The following VWA1 variants were observed in gnomAD, a reference collection of about 807,000 sequenced individuals.
VWA1 encodes the protein von Willebrand factor A domain containing 1.
In VWA1, 12 loss-of-function variants were observed where a neutral mutation model predicts 14.9. The ratio of observed to expected loss-of-function variants is 0.80; its 90% confidence interval spans 0.52 to 1.30. The LOEUF (loss-of-function observed/expected upper bound fraction) is 1.30, where lower values mean the gene tolerates loss of function less well. Ranked by LOEUF, VWA1 falls within the 50% of genes most tolerant of loss-of-function variation. The pLI is 0.00. For synonymous variants in VWA1, 368 were observed against 310.7 expected (o/e 1.18, Z -1.94); for missense variants, 800 against 649.1 (o/e 1.23, Z -2.53).
intron 2 of VWA1, among the ~76,000 whole-genome samples, chr1:1,438,473 G>C (rs1638591138): frequency 6.6e-6 from 1 of 152,208 alleles, no homozygotes; most frequent in African/African-American, 2.4e-5. Context: ...GGAAGATCCT[G>C]ATAGCTTTAA....
chr1:1,442,619 A>G lies in VWA1; in HGVS notation c.*2832A>G, dbSNP rs1382396634. 1 of 152,292 alleles carries G rather than the reference A, an allele frequency of 6.6e-6. No homozygotes were observed. Among genetic ancestry groups the G allele is most frequent in the Admixed American group, 6.5e-5 (1 of 15,282 alleles). The allele number at this position is 152,292 out of a possible 1,614,324, so 9.4% of individuals were successfully genotyped here. On this transcript the variant is annotated 3_prime_UTR_variant, in exon 3 of 3. Coordinates refer to ENST00000476993, the MANE Select transcript of VWA1 (RefSeq NM_022834.5). ...TGCGAGGCCCTTCGCTGGACAGCCC[A>G]TTGCTGGCCACTGGACGGAGAGGCA...
Position 1,435,754 on chromosome 1 carries a change from C to A in VWA1, c.6C>A (p.Leu2=), listed in dbSNP as rs1424457391. 3 of 1,225,088 alleles carry A rather than the reference C, an allele frequency of 2.4e-6. No individual in the cohort carries two copies. The highest frequency in any genetic ancestry group is 4.1e-5 in the South Asian group (2 of 49,288). 75.9% of individuals were successfully genotyped at this position (1,225,088 alleles called of 1,614,324 possible). M[L]PWTALGLALS... is the part of the protein sequence containing the mutation. The stretch of plus-strand genomic sequence containing the variant: ...CGCCCCGTCCCTCGCGCGCGATGCT[C>A]CCCTGGACGGCGCTCGGCCTGGCCC... Residue 2 remains leucine (L), a synonymous_variant, in exon 1 of 3, where the codon CTC becomes CTA. Transcript: ENST00000476993.
At position 1,439,957 on chromosome 1, in the gene VWA1, G is replaced by T; in HGVS notation, c.*170G>T. 2 of 823,582 alleles carry T rather than the reference G, an allele frequency of 2.4e-6. No individual in the cohort carries two copies. Among genetic ancestry groups the T allele is most frequent in the Non-Finnish European group, 3.0e-6 (2 of 669,890 alleles). 51.0% of individuals were successfully genotyped at this position (823,582 alleles called of 1,614,324 possible). On this transcript the variant is annotated 3_prime_UTR_variant, in exon 3 of 3. Transcript: ENST00000476993. ...CTGCGGCCGCAGGGCTTCCCCGCCT[G>T]GCGCCTGCCCTCCAGGGCTGGGGCC...
In VWA1 at chr1:1,439,945, G is replaced by T; in HGVS notation, c.*158G>T. 4 of 913,614 alleles carry T rather than the reference G, an allele frequency of 4.4e-6. No individual in the cohort carries two copies. Among genetic ancestry groups the T allele is most frequent in the Non-Finnish European group, 4.0e-6 (3 of 753,034 alleles). 56.6% of individuals were successfully genotyped at this position (913,614 alleles called of 1,614,324 possible). A position where few individuals can be genotyped will look rare whatever the true frequency, so the allele number is the denominator to read the frequency against. Reference sequence around the variant, plus strand: ...CCGGCCCTCTCCCTGCGGCCGCAGGGCTTCCCCGCCTGGCGCCTGCCCTCC... The same window carrying T: ...CCGGCCCTCTCCCTGCGGCCGCAGGTCTTCCCCGCCTGGCGCCTGCCCTCC... On this transcript the variant is annotated 3_prime_UTR_variant, in exon 3 of 3. Coordinates refer to ENST00000476993, the MANE Select transcript of VWA1 (RefSeq NM_022834.5).
Position 1,441,603 on chromosome 1 carries a change from C to G in VWA1, c.*1816C>G, listed in dbSNP as rs893717736. ...GGTGGCCAGGGTTGCAGGCCCGGGC[C>G]TCGGGCCCCACCTCCTCTGGAGGGG... On this transcript the variant is annotated 3_prime_UTR_variant, in exon 3 of 3. Transcript: ENST00000476993. 6.6e-6 allele frequency: 1 copy of G among 152,496 alleles called. No individual in the cohort carries two copies. The highest frequency in any genetic ancestry group is 1.5e-5 in the Non-Finnish European group (1 of 68,256). 9.4% of individuals were successfully genotyped at this position (152,496 alleles called of 1,614,324 possible). A position where few individuals can be genotyped will look rare whatever the true frequency, so the allele number is the denominator to read the frequency against.
chr1:1,439,771 C>T lies in VWA1; in HGVS notation c.1322C>T (p.Ala441Val). The change falls in exon 3 of 3, where the codon GCC (alanine) becomes GTC (valine). Residue 441 changes from alanine to valine, a missense_variant. Coordinates refer to ENST00000476993, the MANE Select transcript of VWA1 (RefSeq NM_022834.5). ...CCCCGCGCCCCGACCCCGGGGACCG[C>T]CAGCCGTGAGCCGTAAGCCGGCGTC... ...PVPRAPTPGT[A>V]SREP The T allele has an allele frequency of 9.2e-7, 1 of 1,084,290 alleles. No individual in the cohort carries two copies. Among genetic ancestry groups the T allele is most frequent in the Non-Finnish European group, 1.1e-6 (1 of 894,344 alleles). The allele number at this position is 1,084,290 out of a possible 1,614,324, so 67.2% of individuals were successfully genotyped here.
Position 1,439,368 on chromosome 1 carries a change from G to A in VWA1, c.919G>A (p.Gly307Arg), listed in dbSNP as rs1173877630. ...LRVRTRPGEA[G>R]PGASGPESGA... ...GGTGCGCACGCGGCCCGGTGAGGCA[G>A]GGCCGGGGGCTTCGGGCCCGGAGTC... Residue 307 changes from glycine to arginine, a missense_variant, in exon 3 of 3, where the codon GGG becomes AGG. Transcript: ENST00000476993. 6.6e-7 allele frequency: 1 copy of A among 1,517,278 alleles called. No homozygotes were observed. The highest frequency in any genetic ancestry group is 8.8e-7 in the Non-Finnish European group (1 of 1,139,536). 94.0% of individuals were successfully genotyped at this position (1,517,278 alleles called of 1,614,324 possible).
In VWA1 at chr1:1,442,681, G is replaced by A. The variant is rs1025286676; in HGVS notation, c.*2894G>A. 11 of 152,422 alleles carry A rather than the reference G, an allele frequency of 7.2e-5. No homozygotes were observed. In the East Asian group the frequency reaches 9.6e-4, roughly 13 times the overall value. The allele number at this position is 152,422 out of a possible 1,614,324, so 9.4% of individuals were successfully genotyped here. A position where few individuals can be genotyped will look rare whatever the true frequency, so the allele number is the denominator to read the frequency against. ...AATTCGGGCCCATGCCTCTGTGAGC[G>A]ATGACGGAGCAACAGCTCTCCAGCA... On this transcript the variant is annotated 3_prime_UTR_variant, in exon 3 of 3. Coordinates refer to ENST00000476993, the MANE Select transcript of VWA1 (RefSeq NM_022834.5).
chr1:1,437,308 G>A lies in VWA1; in HGVS notation c.455G>A (p.Gly152Asp). Reference sequence around the variant, plus strand: ...GATGGCGGCTCCAGCGACCCTGTGGGCCCCCCCATGCAGGAGCTCAAGGAC... The same window carrying A: ...GATGGCGGCTCCAGCGACCCTGTGGACCCCCCCATGCAGGAGCTCAAGGAC... ...VTDGGSSDPVGPPMQELKDLG... is the reference protein window; with the variant it reads ...VTDGGSSDPVDPPMQELKDLG... The change falls in exon 2 of 3, where the codon GGC becomes GAC. Residue 152 changes from glycine (G) to aspartate (D), a missense_variant. Gly to Asp is a moderately conservative substitution (Grantham distance 94, BLOSUM62 -1). Transcript: ENST00000476993. 6.2e-7 allele frequency: 1 copy of A among 1,611,142 alleles called. No individual in the cohort carries two copies. Among genetic ancestry groups the A allele is most frequent in the South Asian group, 1.1e-5 (1 of 90,772 alleles).
rs912918019 is a variant in VWA1, at chr1:1,439,340, G to A, written c.891G>A (p.Leu297=). Residue 297 remains leucine (L), a synonymous_variant, in exon 3 of 3, where the codon CTG becomes CTA. Transcript: ENST00000476993. Reference sequence around the variant, plus strand: ...TGCGCCTCCTGAGGCCCCAGATCCTGCGGGTGCGCACGCGGCCCGGTGAGG... The same window carrying A: ...TGCGCCTCCTGAGGCCCCAGATCCTACGGGTGCGCACGCGGCCCGGTGAGG... ...SNVRLLRPQI[L]RVRTRPGEAG... 3 of 1,570,700 alleles carry A rather than the reference G, an allele frequency of 1.9e-6. No individual in the cohort carries two copies. The highest frequency in any genetic ancestry group is 3.4e-4 in the Middle Eastern group (2 of 5,956).
chr1:1,439,041 G>A (rs555468809), intron 2 of VWA1, 40 bp from the exon 3 acceptor site: 267 of 1,578,650 alleles, frequency 1.7e-4, no homozygotes, highest in Non-Finnish European at 2.2e-4. Flanking sequence ...AGCGGAGGAG[G>A]AACTGACCGC....
At position 1,439,690 on chromosome 1, in the gene VWA1, C is replaced by T; in HGVS notation, c.1241C>T (p.Ala414Val). The change falls in exon 3 of 3, where the codon GCG becomes GTG. Residue 414 changes from alanine (A) to valine (V), a missense_variant. Ala to Val is a moderately conservative substitution (Grantham distance 64). Coordinates refer to ENST00000476993, the MANE Select transcript of VWA1 (RefSeq NM_022834.5). The part of the protein sequence containing the change: ...TAAFRSGRES[A>V]LSAKACTPDG... ...GCCTTCCGCTCGGGCCGCGAGAGCG[C>T]GCTGTCCGCCAAGGCCTGCACGCCC... 1.6e-6 allele frequency: 2 copies of T among 1,275,546 alleles called. No individual in the cohort carries two copies. The highest frequency in any genetic ancestry group is 1.6e-5 in the South Asian group (1 of 61,962). The allele number at this position is 1,275,546 out of a possible 1,614,324, so 79.0% of individuals were successfully genotyped here. A position where few individuals can be genotyped will look rare whatever the true frequency, so the allele number is the denominator to read the frequency against.
At position 1,437,368 on chromosome 1, in the gene VWA1, G is replaced by T; in HGVS notation, c.515G>T (p.Arg172Leu). 1 of 1,612,768 alleles carries T rather than the reference G, an allele frequency of 6.2e-7. No homozygotes were observed. The highest frequency in any genetic ancestry group is 1.3e-5 in the African/African-American group (1 of 75,062). ...ACCGTGTTCATTGTCAGCACCGGCC[G>T]AGGCAACTTCCTGGAGCTGTCAGCC... ...GVTVFIVSTGRGNFLELSAAA... is the reference protein window; with the variant it reads ...GVTVFIVSTGLGNFLELSAAA... Residue 172 changes from arginine (R) to leucine (L), a missense_variant, in exon 2 of 3, where the codon CGA (arginine) becomes CTA (leucine). Physicochemically the swap from Arg to Leu is moderately radical, Grantham distance 102 (BLOSUM62 -2). Transcript: ENST00000476993.
In VWA1 at chr1:1,437,157, C is replaced by A. The variant is rs201968075; in HGVS notation, c.304C>A (p.Arg102Ser). The change falls in exon 2 of 3, where the codon CGT becomes AGT. Residue 102 changes from arginine to serine, a missense_variant. By Grantham distance (110) the Arg-to-Ser change is moderately radical. Transcript: ENST00000476993. Reference sequence around the variant, plus strand: ...GGGTGAGGCTGCCCAGGATGCGGTGCGTGCTTCTGCCCAGCGCATGGGTGA... The same window carrying A: ...GGGTGAGGCTGCCCAGGATGCGGTGAGTGCTTCTGCCCAGCGCATGGGTGA... The part of the protein sequence containing the change: ...SSGEAAQDAV[R>S]ASAQRMGDTH... 7 of 1,609,184 alleles carry A rather than the reference C, an allele frequency of 4.4e-6. No individual in the cohort carries two copies. In the East Asian group the frequency reaches 1.1e-4, roughly 26 times the overall value.
At chr1:1,436,701 G>A in intron 1 of VWA1, 1 of 517,898 alleles carries the variant, frequency 1.9e-6, no homozygotes, top group Non-Finnish European at 3.4e-6. Context: ...TCTCACAGAT[G>A]GGATAACACA....
chr1:1,442,167 C>G lies in VWA1; in HGVS notation c.*2380C>G, dbSNP rs1422844085. On this transcript the variant is annotated 3_prime_UTR_variant, in exon 3 of 3. Coordinates refer to ENST00000476993, the MANE Select transcript of VWA1 (RefSeq NM_022834.5). ...CTCCGTCCAGGCCGCTGTGAACCGG[C>G]TGTCCCCGCGTCTCCTCCACCTCCC... The G allele has an allele frequency of 6.6e-6, 1 of 152,502 alleles. No individual in the cohort carries two copies. Among genetic ancestry groups the G allele is most frequent in the East Asian group, 1.9e-4 (1 of 5,188 alleles). 9.4% of individuals were successfully genotyped at this position (152,502 alleles called of 1,614,324 possible).
intron 1 of VWA1, among the ~76,000 whole-genome samples, chr1:1,436,523 C>A (rs1638545521): frequency 1.3e-5 from 2 of 152,188 alleles, no homozygotes; most frequent in Non-Finnish European, 2.9e-5. Context: ...GGCTGAGCTG[C>A]GTGGCTGAAC....
rs1638566266 is a variant in VWA1 at position 1,437,287 on chromosome 1, G to A, written c.434G>A (p.Gly145Asp). The A allele has an allele frequency of 1.2e-6, 2 of 1,610,100 alleles. No homozygotes were observed. The highest frequency in any genetic ancestry group is 4.5e-5 in the East Asian group (2 of 44,832). The change falls in exon 2 of 3, where the codon GGC becomes GAC. Residue 145 changes from glycine (G) to aspartate (D), a missense_variant. Gly to Asp is a moderately conservative substitution (Grantham distance 94). Transcript: ENST00000476993. ...AAAGTGCTGGTGTGGGTGACAGATGGCGGCTCCAGCGACCCTGTGGGCCCC... is the reference window on the plus strand; with the variant it reads ...AAAGTGCTGGTGTGGGTGACAGATGACGGCTCCAGCGACCCTGTGGGCCCC... ...VPKVLVWVTD[G>D]GSSDPVGPPM...
rs1452678710 is a variant in VWA1, at chr1:1,439,576, C to A, written c.1127C>A (p.Ala376Glu). Residue 376 changes from alanine (A) to glutamate (E), a missense_variant, in exon 3 of 3, where the codon GCG (alanine) becomes GAG (glutamate). Ala to Glu is a moderately radical substitution (Grantham distance 107). Coordinates refer to ENST00000476993, the MANE Select transcript of VWA1 (RefSeq NM_022834.5). ...VQFGPLRGGE[A>E]QRVEVPAGRN... ...TTCGGGCCGCTGCGGGGCGGGGAGG[C>A]GCAGCGGGTGGAGGTGCCCGCGGGC... The A allele has an allele frequency of 2.3e-6, 3 of 1,303,610 alleles. No individual in the cohort carries two copies. Among genetic ancestry groups the A allele is most frequent in the African/African-American group, 3.2e-5 (2 of 62,232 alleles). 80.8% of individuals were successfully genotyped at this position (1,303,610 alleles called of 1,614,324 possible).
Sources: allele counts gnomAD v4.1 joint callset (sites outside exome capture counted in the v4.1 genomes callset), GRCh38; gene constraint gnomAD v4.1.1; transcripts MANE v1.5; gene names NCBI Gene and HGNC (gene_info 2026-07-23, HGNC 2026-07-21).